Variants in WLS observed in about 807,000 individuals in gnomAD.
WLS encodes the protein Wnt ligand secretion mediator, also known as protein wntless homolog.
WLS carries 23 observed loss-of-function variants against 62.8 expected under a neutral mutation model. That is an observed-to-expected ratio of 0.37 (90% confidence interval 0.26 to 0.52). WLS has a LOEUF of 0.52. Ranked by LOEUF, WLS falls within the 20% of genes least tolerant of loss-of-function variation. The pLI, the probability that WLS is intolerant of heterozygous loss-of-function variation, is 0.92. For synonymous variants in WLS, 246 were observed against 244.1 expected, an observed-to-expected ratio of 1.01 and a Z score of -0.07; for missense variants, 615 against 697.3, an observed-to-expected ratio of 0.88 and a Z score of 1.33.
chr1:68,230,222 CA>C (rs1650345078), intron 1 of WLS, among the ~76,000 whole-genome samples: 1 of 152,138 alleles, frequency 6.6e-6, no homozygotes, highest in Non-Finnish European at 1.5e-5. Flanking sequence ...AACACACCAA[CA>C]AACACCAGGA....
rs1646991282 is a variant in WLS at position 68,162,429 on chromosome 1, C to T, written c.380-3182G>A. 5 of 1,613,598 alleles carry T rather than the reference C, an allele frequency of 3.1e-6. No homozygotes were observed. The South Asian group carries it at 5.5e-5, about 18-fold the overall frequency. ...ACAGAGTGTAGACCCTCTGCACGCC[C>T]AGGGATCGCTCGATCCCATCCTGCA... On this transcript the variant is annotated intron_variant, in intron 2 of 11. Coordinates refer to ENST00000262348, the MANE Select transcript of WLS (RefSeq NM_024911.7).
intron 10 of WLS, among the ~76,000 whole-genome samples, chr1:68,141,048 G>A (rs1298363208): frequency 6.9e-6 from 1 of 145,574 alleles, no homozygotes; most frequent in African/African-American, 2.6e-5. Flanking sequence ...AAAAGTCCCT[G>A]TTTTTCCTGA....
At chr1:68,168,828 T>TA (rs1288485858) in intron 2 of WLS, among the ~76,000 whole-genome samples, 1 of 152,114 alleles carries the variant, frequency 6.6e-6, no homozygotes, top group Non-Finnish European at 1.5e-5. Flanking sequence ...CCTTCCCCAA[T>TA]AAAAAACTCT....
At chr1:68,184,083 G>C (rs1266542582) in intron 2 of WLS, among the ~76,000 whole-genome samples, 1 of 152,112 alleles carries the variant, frequency 6.6e-6, no homozygotes, top group African/African-American at 2.4e-5. Context: ...TTCAGTCTCA[G>C]GAATTTTTCA....
chr1:68,154,300 G>A (rs1188529331), intron 4 of WLS, among the ~76,000 whole-genome samples: 2 of 152,116 alleles, frequency 1.3e-5, no homozygotes, highest in Non-Finnish European at 2.9e-5. Context: ...CTAAGATTAC[G>A]ATTAAGTACA....
At chr1:68,164,551 C>G (rs917647567) in intron 2 of WLS, among the ~76,000 whole-genome samples, 7 of 152,132 alleles carry the variant, frequency 4.6e-5, no homozygotes, top group African/African-American at 1.7e-4. Context: ...AACCACTGTG[C>G]CTGGCCTCAA....
intron 2 of WLS, chr1:68,183,430 G>T (rs768231791): frequency 3.8e-5 from 14 of 369,748 alleles, no homozygotes; most frequent in Non-Finnish European, 8.0e-5. Context: ...TCATAGCAGG[G>T]ATAGTTCTTA....
chr1:68,101,291 T>G (rs1396008385), intron 11 of WLS, among the ~76,000 whole-genome samples: 1 of 151,854 alleles, frequency 6.6e-6, no homozygotes. Context: ...GGCCAATAAA[T>G]GTTCATCATA....
chr1:68,204,327 AT>A lies in WLS; in HGVS notation c.107-10101del, dbSNP rs576342968. ...TTCTTAGGAATTATTATTATTATTA[AT>A]TTTTTTTTTTAGACGGAGTCTCGCT... On this transcript the variant is annotated intron_variant, in intron 1 of 11. Coordinates refer to ENST00000262348, the MANE Select transcript of WLS (RefSeq NM_024911.7). Among the ~76,000 whole-genome samples, 126 of 148,612 alleles carry A rather than the reference AT, an allele frequency of 8.5e-4. No individual in the cohort carries two copies. In the Middle Eastern group the frequency reaches 0.01, roughly 12 times the overall value.
At chr1:68,122,914 T>TATA (rs922535301), downstream of WLS, among the ~76,000 whole-genome samples, 17 of 152,218 alleles carry the variant, frequency 1.1e-4, no homozygotes, top group African/African-American at 3.9e-4. Flanking sequence ...ACTGTCTATT[T>TATA]GTTATTTCTC....
chr1:68,188,880 G>A (rs1260045138), intron 2 of WLS, among the ~76,000 whole-genome samples: 2 of 152,220 alleles, frequency 1.3e-5, no homozygotes, highest in African/African-American at 2.4e-5. Context: ...TCTGAACACC[G>A]AGTCTTATTT....
intron 1 of WLS, among the ~76,000 whole-genome samples, chr1:68,205,916 A>T (rs1649261539): frequency 1.3e-5 from 2 of 152,258 alleles, no homozygotes; most frequent in Non-Finnish European, 2.9e-5. Context: ...TCAAAGAATT[A>T]GTAAAGAAAA....
rs1175705767 is a variant in WLS at position 68,125,396 on chromosome 1, T to C, written c.*830A>G. On this transcript the variant is annotated 3_prime_UTR_variant, in exon 12 of 12. Coordinates refer to ENST00000262348, the MANE Select transcript of WLS (RefSeq NM_024911.7). ...AGGAGGGGATATGCATGTACACATA[T>C]GCATATACATACAGGTTTATTTAAA... is the stretch of plus-strand genomic sequence containing the variant. The C allele has an allele frequency of 8.1e-6, 8 of 985,304 alleles. No individual in the cohort carries two copies. The African/African-American group carries it at 1.4e-4, about 17-fold the overall frequency. 61.0% of individuals were successfully genotyped at this position (985,304 alleles called of 1,614,324 possible).
At chr1:68,176,427 C>A (rs1282581199) in intron 2 of WLS, 8 of 152,160 alleles carry the variant, frequency 5.3e-5, no homozygotes, top group Non-Finnish European at 1.0e-4. Context: ...AGTGAGAAGT[C>A]CAGATGGGAA....
intron 11 of WLS, among the ~76,000 whole-genome samples, chr1:68,102,050 G>C (rs1048413387): frequency 3.3e-5 from 5 of 152,308 alleles, no homozygotes; most frequent in Admixed American, 2.6e-4. Context: ...GCACACACAG[G>C]TGAAGGTGGT....
chr1:68,150,707 A>T (rs1369799610), intron 5 of WLS, among the ~76,000 whole-genome samples: 2 of 152,160 alleles, frequency 1.3e-5, no homozygotes, highest in Admixed American at 6.5e-5. Context: ...TCAGGTTATC[A>T]TTCATCTGAT....
At chr1:68,214,688 G>T (rs944172609) in intron 1 of WLS, among the ~76,000 whole-genome samples, 1 of 152,164 alleles carries the variant, frequency 6.6e-6, no homozygotes, top group Non-Finnish European at 1.5e-5. Flanking sequence ...CATAACAAGT[G>T]TATCAGTTTC....
chr1:68,152,911 T>C (rs1646846367), intron 5 of WLS, among the ~76,000 whole-genome samples: 1 of 151,384 alleles, frequency 6.6e-6, no homozygotes, highest in Non-Finnish European at 1.5e-5. Flanking sequence ...CTTAGGGGAG[T>C]TTCTTCACTA....
chr1:68,104,824 G>A (rs1183217225), intron 11 of WLS, among the ~76,000 whole-genome samples: 1 of 152,240 alleles, frequency 6.6e-6, no homozygotes, highest in African/African-American at 2.4e-5. Context: ...GGAAGCTGAG[G>A]TGGGAGGATG....
Sources: gnomAD v4.1 joint callset for allele counts (sites outside exome capture counted in the v4.1 genomes callset) on GRCh38, gnomAD v4.1.1 for gene constraint, MANE v1.5 for transcripts, NCBI Gene and HGNC (gene_info 2026-07-23, HGNC 2026-07-21) for gene names.